MSRB3: variants seen among roughly 807,000 people sequenced by gnomAD.
MSRB3 encodes methionine sulfoxide reductase B3.
In MSRB3, 13 loss-of-function variants were observed where a neutral mutation model predicts 21.0. The observed-to-expected ratio is 0.62, with a 90% CI of 0.40 to 0.98. MSRB3 has a LOEUF of 0.98. MSRB3 is among the 50% of genes least tolerant of loss of function. MSRB3 has a pLI of 0.00. For synonymous variants in MSRB3, 87 were observed against 88.6 expected, an observed-to-expected ratio of 0.98 and a Z score of 0.10; for missense variants, 199 against 230.3, an observed-to-expected ratio of 0.86 and a Z score of 0.88.
At chr12:65,407,044 T>A (rs1488939249) in intron 5 of MSRB3, among the ~76,000 whole-genome samples, 2 of 152,208 alleles carry the variant, frequency 1.3e-5, no homozygotes, top group African/African-American at 2.4e-5. Context: ...TATTTTGTTA[T>A]AGCAGTGGGA....
chr12:65,455,564 G>A (rs189006158), intron 6 of MSRB3, among the ~76,000 whole-genome samples: 1 of 152,160 alleles, frequency 6.6e-6, no homozygotes, highest in Non-Finnish European at 1.5e-5. Flanking sequence ...GGCACAAAGA[G>A]AGCAATTAAA....
chr12:65,444,317 G>A (rs1882516586), intron 5 of MSRB3, among the ~76,000 whole-genome samples: 1 of 152,020 alleles, frequency 6.6e-6, no homozygotes, highest in Non-Finnish European at 1.5e-5. Flanking sequence ...CTCTCAGTTT[G>A]GTGGACCACA....
At chr12:65,349,992 T>C (rs1225439980) in intron 4 of MSRB3, among the ~76,000 whole-genome samples, 1 of 152,194 alleles carries the variant, frequency 6.6e-6, no homozygotes, top group East Asian at 1.9e-4. Context: ...CCCATGCCTA[T>C]GTCCTGAATG....
chr12:65,428,937 C>A (rs1192349364), intron 5 of MSRB3, among the ~76,000 whole-genome samples: 1 of 152,124 alleles, frequency 6.6e-6, no homozygotes. Context: ...GAATTATATG[C>A]CCCTTGTAAA....
At chr12:65,411,965 A>G (rs1366105561) in intron 5 of MSRB3, among the ~76,000 whole-genome samples, 1 of 152,092 alleles carries the variant, frequency 6.6e-6, no homozygotes, top group Admixed American at 6.6e-5. Context: ...CATTTTATAA[A>G]TAATAAGCTT....
In MSRB3 at chr12:65,377,449, G is replaced by A. The variant is rs544650080; in HGVS notation, c.292+8423G>A. 4.0e-5 allele frequency among the ~76,000 whole-genome samples: 6 copies of A among 151,846 alleles called. No individual in the cohort carries two copies. The South Asian group carries it at 1.0e-3, about 26-fold the overall frequency. ...CCCCTCCTCCGTCCCCCGCCCTTCTGCAACCATGCCTGGCTAATTTTTGTA... is the reference window on the plus strand; with the variant it reads ...CCCCTCCTCCGTCCCCCGCCCTTCTACAACCATGCCTGGCTAATTTTTGTA... On this transcript the variant is annotated intron_variant, in intron 5 of 6. Coordinates refer to ENST00000308259, the MANE Select transcript of MSRB3 (RefSeq NM_001031679.3).
chr12:65,326,180 T>C (rs949733539), intron 2 of MSRB3, among the ~76,000 whole-genome samples: 19 of 152,240 alleles, frequency 1.2e-4, no homozygotes, highest in Non-Finnish European at 2.6e-4. Context: ...TATTGAAAGT[T>C]TCTTGCTGCC....
intron 5 of MSRB3, among the ~76,000 whole-genome samples, chr12:65,382,559 A>G (rs1011105868): frequency 6.6e-6 from 1 of 151,024 alleles, no homozygotes; most frequent in South Asian, 2.1e-4. Context: ...ATCACTTTTT[A>G]TCTACATATT....
intron 5 of MSRB3, among the ~76,000 whole-genome samples, chr12:65,403,582 C>A (rs1047111862): frequency 6.6e-6 from 1 of 152,158 alleles, no homozygotes; most frequent in African/African-American, 2.4e-5. Flanking sequence ...CACTTGGCTT[C>A]CTGGCTTCAG....
chr12:65,316,312 T>A (rs567823044), intron 2 of MSRB3: 1 of 152,246 alleles, frequency 6.6e-6, no homozygotes, highest in Non-Finnish European at 1.5e-5. Context: ...TCCAAAAGTT[T>A]GTTCTGTGCA....
chr12:65,423,749 T>G (rs1881441526), intron 5 of MSRB3, among the ~76,000 whole-genome samples: 1 of 152,232 alleles, frequency 6.6e-6, no homozygotes, highest in South Asian at 2.1e-4. Context: ...TAATATTTTG[T>G]TTAGAATTTG....
chr12:65,422,401 TA>T (rs1451271021), intron 5 of MSRB3, among the ~76,000 whole-genome samples: 7 of 30,232 alleles, frequency 2.3e-4, no homozygotes, highest in East Asian at 1.1e-3. Context: ...TATATATATA[TA>T]TATATATATA....
intron 5 of MSRB3, among the ~76,000 whole-genome samples, chr12:65,402,499 A>G (rs993907420): frequency 2.6e-5 from 4 of 152,122 alleles, no homozygotes; most frequent in African/African-American, 9.7e-5. Context: ...TGGTTATTCT[A>G]GTTAGCATTT....
intron 2 of MSRB3, among the ~76,000 whole-genome samples, chr12:65,309,566 C>T (rs1456080405): frequency 6.6e-6 from 1 of 152,072 alleles, no homozygotes; most frequent in African/African-American, 2.4e-5. Flanking sequence ...GTTGACCTGA[C>T]TAGACTAGAG....
At chr12:65,433,677 A>G (rs1881988168) in intron 5 of MSRB3, among the ~76,000 whole-genome samples, 1 of 151,920 alleles carries the variant, frequency 6.6e-6, no homozygotes, top group Non-Finnish European at 1.5e-5. Flanking sequence ...TTCAGGACTG[A>G]GAAAATATTT....
At chr12:65,431,097 C>T (rs184617941) in intron 5 of MSRB3, among the ~76,000 whole-genome samples, 2 of 151,904 alleles carry the variant, frequency 1.3e-5, no homozygotes, top group Non-Finnish European at 2.9e-5. Context: ...TCATAAAATT[C>T]TTTTATTCCC....
At chr12:65,372,131 T>G (rs1878363579) in intron 5 of MSRB3, among the ~76,000 whole-genome samples, 1 of 152,218 alleles carries the variant, frequency 6.6e-6, no homozygotes, top group Non-Finnish European at 1.5e-5. Context: ...TTTTGAGGTT[T>G]TCATCTATTT....
intron 6 of MSRB3, among the ~76,000 whole-genome samples, chr12:65,461,179 A>G (rs1428693665): frequency 1.3e-5 from 2 of 152,198 alleles, no homozygotes; most frequent in African/African-American, 4.8e-5. Context: ...TTGTGCACAC[A>G]CACTGGTCAC....
chr12:65,351,497 C>G (rs1176894422), intron 4 of MSRB3, among the ~76,000 whole-genome samples: 1 of 149,034 alleles, frequency 6.7e-6, no homozygotes, highest in African/African-American at 2.6e-5. Flanking sequence ...ACACAAAAAA[C>G]CCTTCAAAAA....
Sources: gnomAD v4.1 joint callset for allele counts (sites outside exome capture counted in the v4.1 genomes callset) on GRCh38, gnomAD v4.1.1 for gene constraint, MANE v1.5 for transcripts, NCBI Gene and HGNC (gene_info 2026-07-23, HGNC 2026-07-21) for gene names.